Variants in ANK3 observed in about 807,000 individuals in gnomAD.
ANK3 encodes ankyrin-3.
A neutral mutation model predicts 370.9 loss-of-function variants in ANK3; 57 were observed. The observed-to-expected ratio is 0.15, with a 90% confidence interval of 0.12 to 0.19. ANK3 has a LOEUF of 0.19. Among genes scored for constraint, ANK3 ranks in the 10% least tolerant of loss-of-function variants. The probability of loss-of-function intolerance (pLI) is 1.00; values close to 1 mark genes in which losing one functional copy is unlikely to be tolerated. For synonymous variants in ANK3, 1,929 were observed against 1,946.3 expected, an observed-to-expected ratio of 0.99 and a Z score of 0.23; for missense variants, 4,439 against 5,302.1, an observed-to-expected ratio of 0.84 and a Z score of 5.06.
At chr10:60,138,794 A>G in intron 24 of ANK3, 170 bp downstream of exon 24, 1 of 832,254 alleles carries the variant, frequency 1.2e-6, no homozygotes, top group African/African-American at 1.7e-5. Flanking sequence ...ACCGCAAACC[A>G]CAAAAGAAAA....
chr10:60,098,866 G>T (rs1480336027), intron 28 of ANK3, among the ~76,000 whole-genome samples: 1 of 152,176 alleles, frequency 6.6e-6, no homozygotes, highest in African/African-American at 2.4e-5. Flanking sequence ...AGATTTGCAC[G>T]TGTAATAAGT....
chr10:60,723,090 A>C (rs2079887840), intron 1 of ANK3, among the ~76,000 whole-genome samples: 1 of 152,206 alleles, frequency 6.6e-6, no homozygotes, highest in Non-Finnish European at 1.5e-5. Context: ...AAAATATATC[A>C]ATATTTTCAC....
At chr10:60,339,605 T>C (rs1205897704) in intron 1 of ANK3, among the ~76,000 whole-genome samples, 2 of 152,190 alleles carry the variant, frequency 1.3e-5, no homozygotes, top group Admixed American at 1.3e-4. Flanking sequence ...GAGCAGAATA[T>C]TTTCTTTCTC....
At chr10:60,600,089 G>T (rs974437076) in intron 2 of ANK3, among the ~76,000 whole-genome samples, 1 of 152,042 alleles carries the variant, frequency 6.6e-6, no homozygotes, top group African/African-American at 2.4e-5. Context: ...TAAATGACTT[G>T]CCTAAAATTA....
At chr10:60,461,430 T>C (rs1419544525) in intron 2 of ANK3, among the ~76,000 whole-genome samples, 1 of 152,182 alleles carries the variant, frequency 6.6e-6, no homozygotes, top group African/African-American at 2.4e-5. Context: ...TGCATACATT[T>C]GTTGGTAATG....
chr10:60,180,527 T>C (rs1591363097), intron 18 of ANK3, among the ~76,000 whole-genome samples: 1 of 127,520 alleles, frequency 7.8e-6, no homozygotes, highest in Admixed American at 1.0e-4. Context: ...ACGTGGGAGG[T>C]GGAGGTTGCA....
intron 25 of ANK3, among the ~76,000 whole-genome samples, chr10:60,133,038 T>C (rs1429286747): frequency 6.6e-6 from 1 of 152,226 alleles, no homozygotes; most frequent in African/African-American, 2.4e-5. Flanking sequence ...ATATATATTG[T>C]AGGTTCCTAT....
At chr10:60,273,708 G>A (rs988686116) in intron 4 of ANK3, among the ~76,000 whole-genome samples, 18 of 152,274 alleles carry the variant, frequency 1.2e-4, no homozygotes, top group Non-Finnish European at 1.9e-4. Context: ...TATCAAGGGC[G>A]GGGCCAGGTG....
intron 1 of ANK3, among the ~76,000 whole-genome samples, chr10:60,350,261 T>A (rs542577101): frequency 3.5e-4 from 54 of 152,304 alleles, no homozygotes; most frequent in Middle Eastern, 3.4e-3. Context: ...AAATGGTAGC[T>A]AAAGGTTTTG....
intron 1 of ANK3, among the ~76,000 whole-genome samples, chr10:60,291,885 G>A (rs1435577043): frequency 3.9e-5 from 6 of 151,970 alleles, no homozygotes; most frequent in African/African-American, 7.3e-5. Context: ...ACTAATTTTT[G>A]TAATTTTCAG....
chr10:60,376,806 T>C (rs2060841697), intron 1 of ANK3, among the ~76,000 whole-genome samples: 1 of 152,234 alleles, frequency 6.6e-6, no homozygotes, highest in Non-Finnish European at 1.5e-5. Context: ...TCACTAATTC[T>C]ATAATAATGA....
intron 2 of ANK3, among the ~76,000 whole-genome samples, chr10:60,582,137 G>A (rs1304478630): frequency 1.3e-5 from 2 of 152,088 alleles, no homozygotes; most frequent in Non-Finnish European, 2.9e-5. Flanking sequence ...GCGGGGCTAG[G>A]GGAGGGATAG....
chr10:60,530,951 A>C (rs1468343397), intron 2 of ANK3, among the ~76,000 whole-genome samples: 1 of 152,130 alleles, frequency 6.6e-6, no homozygotes, highest in Non-Finnish European at 1.5e-5. Context: ...TACACAAGAG[A>C]ACTCTTCATT....
chr10:60,326,977 G>A (rs1254741420), intron 1 of ANK3, among the ~76,000 whole-genome samples: 1 of 150,622 alleles, frequency 6.6e-6, no homozygotes, highest in Non-Finnish European at 1.5e-5. Flanking sequence ...CGGAAATGGT[G>A]CCACTGCACT....
chr10:60,155,210 A>G (rs1403706449), intron 23 of ANK3, among the ~76,000 whole-genome samples: 2 of 151,882 alleles, frequency 1.3e-5, no homozygotes, highest in African/African-American at 4.8e-5. Context: ...TATCTACACC[A>G]CCCCTCCCCC....
intron 2 of ANK3, among the ~76,000 whole-genome samples, chr10:60,523,910 G>A (rs555240561): frequency 1.5e-4 from 23 of 152,150 alleles, no homozygotes; most frequent in African/African-American, 2.9e-4. Context: ...CAATGATACC[G>A]GGTAAAAACA....
At chr10:60,429,560 G>A (rs2063967917) in intron 2 of ANK3, among the ~76,000 whole-genome samples, 1 of 152,188 alleles carries the variant, frequency 6.6e-6, no homozygotes, top group Admixed American at 6.5e-5. Flanking sequence ...AAGCTTTTGG[G>A]TGAATGTGTT....
rs764236946 is a variant in ANK3, at chr10:60,208,225, T to C, written c.1005A>G (p.Leu335=). The change falls in exon 10 of 44, where the codon TTA becomes TTG. Residue 335 remains leucine (L), a synonymous_variant. Coordinates refer to ENST00000280772, the MANE Select transcript of ANK3 (RefSeq NM_020987.5). ...APILSKTKNG[L]SPLHMATQGD... ...CTTGTGTGGCCATGTGCAATGGAGA[T>C]AATCCATTCTGGAACACATAAAGAA... 7.4e-6 allele frequency: 12 copies of C among 1,613,398 alleles called. No individual in the cohort carries two copies. In the South Asian group the frequency reaches 1.1e-4, roughly 15 times the overall value.
intron 1 of ANK3, among the ~76,000 whole-genome samples, chr10:60,351,080 G>T: frequency 6.6e-6 from 1 of 152,046 alleles, no homozygotes; most frequent in East Asian, 1.9e-4. Context: ...CAAAGGCCAG[G>T]CTTACTTCTT....
Sources: allele counts gnomAD v4.1 joint callset (sites outside exome capture counted in the v4.1 genomes callset), GRCh38; gene constraint gnomAD v4.1.1; transcripts MANE v1.5; gene names NCBI Gene and HGNC (gene_info 2026-07-23, HGNC 2026-07-21).